NPBWR2: variants seen among roughly 807,000 people sequenced by gnomAD.
NPBWR2 encodes the protein neuropeptides B/W receptor type 2.
For missense variants in NPBWR2, 390 were observed against 458.2 expected, an observed-to-expected ratio of 0.85 and a Z score of 1.36; for synonymous variants, 207 against 223.5, an observed-to-expected ratio of 0.93 and a Z score of 0.66.
Position 64,105,731 on chromosome 20 carries a change from GGGT to G in NPBWR2, c.*96_*98del, listed in dbSNP as rs1979989993. The G allele has an allele frequency of 6.6e-6, 5 of 755,906 alleles. No individual in the cohort carries two copies. The highest frequency in any genetic ancestry group is 2.4e-5 in the African/African-American group (1 of 41,808). 46.8% of individuals were successfully genotyped at this position (755,906 alleles called of 1,614,324 possible). Reference sequence around the variant, plus strand: ...TGGGGGTGGTGGTGGGGGTGGGGGGGGGTGGGCCTGATGGGGGTGTGGGCATGA... The same window carrying G: ...TGGGGGTGGTGGTGGGGGTGGGGGGGGGGCCTGATGGGGGTGTGGGCATGA... On this transcript the variant is annotated 3_prime_UTR_variant, in exon 2 of 2. Transcript: ENST00000684052.
At position 64,107,056 on chromosome 20, in the gene NPBWR2, G is replaced by A. The variant is rs1418514433; in HGVS notation, c.-91-134C>T. 2 of 618,636 alleles carry A rather than the reference G, an allele frequency of 3.2e-6. No homozygotes were observed. Among genetic ancestry groups the A allele is most frequent in the Admixed American group, 5.9e-5 (2 of 33,776 alleles). 38.3% of individuals were successfully genotyped at this position (618,636 alleles called of 1,614,324 possible). ...GGGGCCAGAGGGAGCCTGGTGGGGT[G>A]TGTGGGGGCCTCCTCCCGCCTCTTC... On this transcript the variant is annotated intron_variant, in intron 1 of 1. Coordinates refer to ENST00000684052, the MANE Select transcript of NPBWR2 (RefSeq NM_005286.4). This position sits in a 1 kb window ranked among gnomAD's most constrained non-coding sequence, Gnocchi z 6.3.
Position 64,105,443 on chromosome 20 carries a change from T to C in NPBWR2, c.*387A>G, listed in dbSNP as rs1191156188. Among the ~76,000 whole-genome samples, 1 of 127,546 alleles carries C rather than the reference T, an allele frequency of 7.8e-6. No individual in the cohort carries two copies. The highest frequency in any genetic ancestry group is 1.6e-5 in the Non-Finnish European group (1 of 61,258). The allele number at this position is 127,546 out of a possible 152,430, so 83.7% of individuals were successfully genotyped here. On this transcript the variant is annotated 3_prime_UTR_variant, in exon 2 of 2. Coordinates refer to ENST00000684052, the MANE Select transcript of NPBWR2 (RefSeq NM_005286.4). Reference sequence around the variant, plus strand: ...GTGTGAGGGTCTGTGTCTCCTTGCGTGGAGAGGACAGCACTGGGATGTGAA... The same window carrying C: ...GTGTGAGGGTCTGTGTCTCCTTGCGCGGAGAGGACAGCACTGGGATGTGAA...
In NPBWR2 at chr20:64,106,415, G is replaced by T. The variant is rs201381196; in HGVS notation, c.417C>A (p.Ser139Arg). ...FSSIYFLAVM[S>R]VDRYLVVLAT... ...CCAGCACCACCAGGTATCGGTCCAC[G>T]CTCATCACGGCTAGGAAGTAGATGC... Residue 139 changes from serine (S) to arginine (R), a missense_variant, in exon 2 of 2, where the codon AGC becomes AGA. By Grantham distance (110) the Ser-to-Arg change is moderately radical. Transcript: ENST00000684052. This position sits in a 1 kb window ranked among gnomAD's most constrained non-coding sequence, Gnocchi z 9.5. 6 of 1,612,788 alleles carry T rather than the reference G, an allele frequency of 3.7e-6. No homozygotes were observed. The highest frequency in any genetic ancestry group is 5.1e-6 in the Non-Finnish European group (6 of 1,180,014).
Position 64,105,889 on chromosome 20 carries a change from G to A in NPBWR2, c.943C>T (p.Leu315Phe). Reference sequence around the variant, plus strand: ...AAGTTGTCATCTAGAAAGGCGTAGAGGAAGGGGTTCAGGCACGAGTTGGCG... The same window carrying A: ...AAGTTGTCATCTAGAAAGGCGTAGAAGAAGGGGTTCAGGCACGAGTTGGCG... Reference protein sequence around the residue: ...SYANSCLNPFLYAFLDDNFRK... With the variant: ...SYANSCLNPFFYAFLDDNFRK... Residue 315 changes from leucine to phenylalanine, a missense_variant, in exon 2 of 2, where the codon CTC becomes TTC. Physicochemically the swap from Leu to Phe is conservative, Grantham distance 22 (BLOSUM62 0). Transcript: ENST00000684052. The A allele has an allele frequency of 6.2e-7, 1 of 1,607,660 alleles. No homozygotes were observed. Among genetic ancestry groups the A allele is most frequent in the Non-Finnish European group, 8.5e-7 (1 of 1,176,830 alleles).
Position 64,104,540 on chromosome 20 carries a change from G to C in NPBWR2, c.*1290C>G, listed in dbSNP as rs1979886972. ...GAGGACCGTCAGACACAGCAGGGGG[G>C]CACAGGGGAGCACAGGCCATGGTGA... On this transcript the variant is annotated 3_prime_UTR_variant, in exon 2 of 2. Coordinates refer to ENST00000684052, the MANE Select transcript of NPBWR2 (RefSeq NM_005286.4). 6.8e-6 allele frequency among the ~76,000 whole-genome samples: 1 copy of C among 148,068 alleles called. No homozygotes were observed. The highest frequency in any genetic ancestry group is 6.7e-5 in the Admixed American group (1 of 14,892).
chr20:64,105,861 C>T lies in NPBWR2; in HGVS notation c.971G>A (p.Arg324Gln), dbSNP rs200098936. 279 of 1,512,402 alleles carry T rather than the reference C, an allele frequency of 1.8e-4. 1 individual carries two copies. The highest frequency in any genetic ancestry group is 5.2e-4 in the Middle Eastern group (3 of 5,760). 93.7% of individuals were successfully genotyped at this position (1,512,402 alleles called of 1,614,324 possible). ...FLYAFLDDNF[R>Q]KNFRSILRC is the part of the protein sequence containing the mutation. ...CCGCAATATGCTGCGGAAGTTCTTC[C>T]GGAAGTTGTCATCTAGAAAGGCGTA... Residue 324 changes from arginine (R) to glutamine (Q), a missense_variant, in exon 2 of 2, where the codon CGG becomes CAG. Coordinates refer to ENST00000684052, the MANE Select transcript of NPBWR2 (RefSeq NM_005286.4).
chr20:64,104,539 GGCACAGGGGA>G lies in NPBWR2; in HGVS notation c.*1281_*1290del, dbSNP rs1979887057. Among the ~76,000 whole-genome samples the G allele has an allele frequency of 7.0e-6, 1 of 143,012 alleles. No individual in the cohort carries two copies. Among genetic ancestry groups the G allele is most frequent in the Non-Finnish European group, 1.5e-5 (1 of 65,578 alleles). 93.8% of individuals were successfully genotyped at this position (143,012 alleles called of 152,430 possible). On this transcript the variant is annotated 3_prime_UTR_variant, in exon 2 of 2. Coordinates refer to ENST00000684052, the MANE Select transcript of NPBWR2 (RefSeq NM_005286.4). ...AGAGGACCGTCAGACACAGCAGGGGGGCACAGGGGAGCACAGGCCATGGTGAGGACTGTCG... is the reference window on the plus strand; with the variant it reads ...AGAGGACCGTCAGACACAGCAGGGGGGCACAGGCCATGGTGAGGACTGTCG...
Position 64,105,762 on chromosome 20 carries a change from A to ATGGGCG in NPBWR2, c.*67_*68insCGCCCA. 2 of 1,145,276 alleles carry ATGGGCG rather than the reference A, an allele frequency of 1.7e-6. No individual in the cohort carries two copies. Among genetic ancestry groups the ATGGGCG allele is most frequent in the Non-Finnish European group, 2.3e-6 (2 of 859,922 alleles). The allele number at this position is 1,145,276 out of a possible 1,614,324, so 70.9% of individuals were successfully genotyped here. ...GCCTGATGGGGGTGTGGGCATGATGATGATGGGCGTGATGATGATGGGGGG... is the reference window on the plus strand; with the variant it reads ...GCCTGATGGGGGTGTGGGCATGATGATGGGCGTGATGGGCGTGATGATGATGGGGGG... On this transcript the variant is annotated 3_prime_UTR_variant, in exon 2 of 2. Coordinates refer to ENST00000684052, the MANE Select transcript of NPBWR2 (RefSeq NM_005286.4).
rs779850960 is a variant in NPBWR2 at position 64,106,449 on chromosome 20, ATGT to A, written c.380_382del (p.Asn127del). On this transcript the variant is annotated inframe_deletion, in exon 2 of 2. Coordinates refer to ENST00000684052, the MANE Select transcript of NPBWR2 (RefSeq NM_005286.4). The surrounding 1 kb of genome is among the most constrained non-coding windows in gnomAD (Gnocchi z 9.5). ...GGCTAGGAAGTAGATGCTGGAGAAG[ATGT>A]TGTAGTGGTCGACGGCCAGCACCAG... The A allele has an allele frequency of 1.2e-5, 20 of 1,612,532 alleles. No homozygotes were observed. In the African/African-American group the frequency reaches 1.5e-4, roughly 12 times the overall value.
In NPBWR2 at chr20:64,106,104, C is replaced by T. The variant is rs769015617; in HGVS notation, c.728G>A (p.Arg243Gln). The T allele has an allele frequency of 2.5e-5, 41 of 1,611,524 alleles. No homozygotes were observed. Among genetic ancestry groups the T allele is most frequent in the South Asian group, 6.6e-5 (6 of 91,062 alleles). ...TDLLRRLRAV[R>Q]LRSGAKALGK... is the part of the protein sequence containing the mutation. ...TAGAGCCTTGGCTCCAGAGCGGAGCCGCACGGCCCGCAGCCTGCGCAGGAG... is the reference window on the plus strand; with the variant it reads ...TAGAGCCTTGGCTCCAGAGCGGAGCTGCACGGCCCGCAGCCTGCGCAGGAG... Residue 243 changes from arginine (R) to glutamine (Q), a missense_variant, in exon 2 of 2, where the codon CGG becomes CAG. By Grantham distance (43) the Arg-to-Gln change is conservative (BLOSUM62 1). Transcript: ENST00000684052. The surrounding 1 kb of genome is among the most constrained non-coding windows in gnomAD (Gnocchi z 9.5).
At position 64,106,262 on chromosome 20, in the gene NPBWR2, G is replaced by A. The variant is rs138841428; in HGVS notation, c.570C>T (p.Asn190=). ...GCCCACAGCTTGGGACCTGCAGCTCGTTGCTGTAGACGCCAGCGAAAGAGA... is the reference window on the plus strand; with the variant it reads ...GCCCACAGCTTGGGACCTGCAGCTCATTGCTGTAGACGCCAGCGAAAGAGA... ...PFFSFAGVYS[N]ELQVPSCGLS... Residue 190 remains asparagine, a synonymous_variant, in exon 2 of 2, where the codon AAC becomes AAT. Transcript: ENST00000684052. The surrounding 1 kb of genome is among the most constrained non-coding windows in gnomAD (Gnocchi z 9.5). 1.8e-4 allele frequency: 288 copies of A among 1,612,682 alleles called. 3 individuals carry two copies. Among genetic ancestry groups the A allele is most frequent in the South Asian group, 1.4e-3 (128 of 91,092 alleles).
At position 64,106,463 on chromosome 20, in the gene NPBWR2, G is replaced by C. The variant is rs147210336; in HGVS notation, c.369C>G (p.Val123=). ...GELLCKLVLA[V]DHYNIFSSIY... Reference sequence around the variant, plus strand: ...TGCTGGAGAAGATGTTGTAGTGGTCGACGGCCAGCACCAGCTTGCAGAGCA... The same window carrying C: ...TGCTGGAGAAGATGTTGTAGTGGTCCACGGCCAGCACCAGCTTGCAGAGCA... Residue 123 remains valine, a synonymous_variant, in exon 2 of 2, where the codon GTC becomes GTG. Transcript: ENST00000684052. The surrounding 1 kb of genome is among the most constrained non-coding windows in gnomAD (Gnocchi z 9.5). 3.7e-5 allele frequency: 60 copies of C among 1,612,560 alleles called. No homozygotes were observed. Among genetic ancestry groups the C allele is most frequent in the Non-Finnish European group, 4.4e-5 (52 of 1,180,010 alleles).
rs1383223825 is a variant in NPBWR2, at chr20:64,105,320, A to G, written c.*510T>C. 2.7e-5 allele frequency among the ~76,000 whole-genome samples: 4 copies of G among 150,742 alleles called. No individual in the cohort carries two copies. The highest frequency in any genetic ancestry group is 4.9e-5 in the African/African-American group (2 of 40,864). ...TGCTTGCTGTGTGGGGGCCTCTGCC[A>G]GGACCTGGATCCCTGCTGCTGTCCA... On this transcript the variant is annotated 3_prime_UTR_variant, in exon 2 of 2. Coordinates refer to ENST00000684052, the MANE Select transcript of NPBWR2 (RefSeq NM_005286.4).
Position 64,106,322 on chromosome 20 carries a change from G to T in NPBWR2, c.510C>A (p.Val170=). 1 of 1,612,846 alleles carries T rather than the reference G, an allele frequency of 6.2e-7. No individual in the cohort carries two copies. The highest frequency in any genetic ancestry group is 1.7e-5 in the Admixed American group (1 of 60,022). ...YRGAKVASLC[V]WLGVTVLVLP... ...GAACCAGGACCGTGACGCCCAGCCA[G>T]ACACACAGGCTGGCGACCTTCGCCC... The change falls in exon 2 of 2, where the codon GTC becomes GTA. Residue 170 remains valine (V), a synonymous_variant. Coordinates refer to ENST00000684052, the MANE Select transcript of NPBWR2 (RefSeq NM_005286.4). This position sits in a 1 kb window ranked among gnomAD's most constrained non-coding sequence, Gnocchi z 9.5.
rs1447780131 is a variant in NPBWR2, at chr20:64,104,909, A to C, written c.*921T>G. ...CACAGGCCATGGAGAGGACTGTCGGACACAGCAGGGCGGGTACAGGCCATG... is the reference window on the plus strand; with the variant it reads ...CACAGGCCATGGAGAGGACTGTCGGCCACAGCAGGGCGGGTACAGGCCATG... On this transcript the variant is annotated 3_prime_UTR_variant, in exon 2 of 2. Coordinates refer to ENST00000684052, the MANE Select transcript of NPBWR2 (RefSeq NM_005286.4). Among the ~76,000 whole-genome samples the C allele has an allele frequency of 7.5e-6, 1 of 134,158 alleles. No homozygotes were observed. The highest frequency in any genetic ancestry group is 1.6e-5 in the Non-Finnish European group (1 of 61,280). The allele number at this position is 134,158 out of a possible 152,430, so 88.0% of individuals were successfully genotyped here.
Position 64,105,838 on chromosome 20 carries a change from G to T in NPBWR2, c.994C>A (p.Arg332=), listed in dbSNP as rs141392855. The T allele has an allele frequency of 6.4e-7, 1 of 1,553,072 alleles. No homozygotes were observed. The highest frequency in any genetic ancestry group is 2.4e-5 in the East Asian group (1 of 40,842). The change falls in exon 2 of 2, where the codon CGG becomes AGG. Residue 332 remains arginine (R), a synonymous_variant. Coordinates refer to ENST00000684052, the MANE Select transcript of NPBWR2 (RefSeq NM_005286.4). ...GATGGTGCCCAGGCCCTTCAGCACC[G>T]CAATATGCTGCGGAAGTTCTTCCGG... The part of the protein sequence containing the change: ...NFRKNFRSIL[R]C
rs756707301 is a variant in NPBWR2, at chr20:64,105,813, G to A, written c.*17C>T. ...TGATGATGGGCATGATGATGGGGGT[G>A]ATGGTGCCCAGGCCCTTCAGCACCG... is the stretch of plus-strand genomic sequence containing the variant. On this transcript the variant is annotated 3_prime_UTR_variant, in exon 2 of 2. Coordinates refer to ENST00000684052, the MANE Select transcript of NPBWR2 (RefSeq NM_005286.4). 52 of 1,572,996 alleles carry A rather than the reference G, an allele frequency of 3.3e-5. 2 individuals carry two copies.
At position 64,106,011 on chromosome 20, in the gene NPBWR2, G is replaced by A. The variant is rs368832793; in HGVS notation, c.821C>T (p.Thr274Met). ...CACGACAGAGGCCAGGTGGAAGGGC[G>A]TCCAGCAGAGGAGGCACACGGCCAG... ...VVLAVCLLCW[T>M]PFHLASVVAL... Residue 274 changes from threonine (T) to methionine (M), a missense_variant, in exon 2 of 2, where the codon ACG becomes ATG. Coordinates refer to ENST00000684052, the MANE Select transcript of NPBWR2 (RefSeq NM_005286.4). This position sits in a 1 kb window ranked among gnomAD's most constrained non-coding sequence, Gnocchi z 9.5. 119 of 1,612,034 alleles carry A rather than the reference G, an allele frequency of 7.4e-5. No homozygotes were observed. The highest frequency in any genetic ancestry group is 2.5e-4 in the African/African-American group (19 of 75,000).
rs1195451238 is a variant in NPBWR2 at position 64,105,567 on chromosome 20, A to G, written c.*263T>C. Among the ~76,000 whole-genome samples the G allele has an allele frequency of 3.8e-3, 5 of 1,304 alleles. No individual in the cohort carries two copies. Among genetic ancestry groups the G allele is most frequent in the African/African-American group, 6.5e-3 (2 of 310 alleles). The allele number at this position is 1,304 out of a possible 152,430, so 0.9% of individuals were successfully genotyped here. On this transcript the variant is annotated 3_prime_UTR_variant, in exon 2 of 2. Transcript: ENST00000684052. ...GGTGGTGGGGGGGGTGGGCGTGATG[A>G]TGGGGGTGGGGGTGGGGGTGGGGGT... is the stretch of plus-strand genomic sequence containing the variant.
Sources: allele counts gnomAD v4.1 joint callset (sites outside exome capture counted in the v4.1 genomes callset), GRCh38; gene constraint gnomAD v4.1.1; non-coding constraint Gnocchi (gnomAD v3.1); transcripts MANE v1.5; gene names NCBI Gene and HGNC (gene_info 2026-07-23, HGNC 2026-07-21).